The following TMEM117 variants were observed in gnomAD, a reference collection of about 807,000 sequenced individuals.
TMEM117 encodes the protein transmembrane protein 117.
Under a neutral mutation model 52.4 loss-of-function variants are expected in TMEM117, and 27 were observed. That is an observed-to-expected ratio of 0.51 (90% confidence interval 0.38 to 0.71). The LOEUF (loss-of-function observed/expected upper bound fraction) is 0.71. Ranked by LOEUF, TMEM117 falls within the 30% of genes least tolerant of loss-of-function variation. The pLI, the probability that TMEM117 is intolerant of heterozygous loss-of-function variation, is 0.00. For synonymous variants in TMEM117, 215 were observed against 206.3 expected, an observed-to-expected ratio of 1.04 and a Z score of -0.36; for missense variants, 556 against 630.5, an observed-to-expected ratio of 0.88 and a Z score of 1.26.
intron 4 of TMEM117, among the ~76,000 whole-genome samples, chr12:44,197,600 C>A (rs563133697): frequency 6.6e-6 from 1 of 152,122 alleles, no homozygotes; most frequent in African/African-American, 2.4e-5. Flanking sequence ...AATTACAATT[C>A]AATGTGGTGG....
intron 3 of TMEM117, among the ~76,000 whole-genome samples, chr12:44,085,560 A>G (rs913477882): frequency 6.6e-6 from 1 of 152,204 alleles, no homozygotes; most frequent in African/African-American, 2.4e-5. Context: ...GCTCCCCTCT[A>G]CAGGGGTTCA....
chr12:44,090,543 T>C (rs1004433035), intron 3 of TMEM117, among the ~76,000 whole-genome samples: 4 of 151,902 alleles, frequency 2.6e-5, no homozygotes, highest in South Asian at 2.1e-4. Flanking sequence ...CTCAGGCAGT[T>C]CTACTGCCTC....
chr12:44,037,291 C>G (rs1476274334), intron 3 of TMEM117, among the ~76,000 whole-genome samples: 1 of 152,172 alleles, frequency 6.6e-6, no homozygotes, highest in Non-Finnish European at 1.5e-5. Context: ...TTCTTGACGG[C>G]CTGGGAAGCC....
At chr12:44,134,384 T>C (rs1203857206) in intron 3 of TMEM117, among the ~76,000 whole-genome samples, 1 of 152,110 alleles carries the variant, frequency 6.6e-6, no homozygotes, top group Non-Finnish European at 1.5e-5. Context: ...GCCTGGCTAA[T>C]TTTTTGGTTT....
chr12:44,145,915 C>A (rs1363223623), intron 4 of TMEM117, among the ~76,000 whole-genome samples: 2 of 152,226 alleles, frequency 1.3e-5, no homozygotes, highest in African/African-American at 4.8e-5. Flanking sequence ...TCCACTATGG[C>A]AACATTGTTT....
chr12:43,887,096 T>G (rs1731429), intron 2 of TMEM117, among the ~76,000 whole-genome samples: 118,998 of 152,062 alleles, frequency 0.78, 49,049 homozygotes, highest in Non-Finnish European at 0.9. Context: ...TGACCCGCCC[T>G]CCTAGGCCTC....
At chr12:44,352,290 T>A (rs1951574426) in intron 6 of TMEM117, among the ~76,000 whole-genome samples, 1 of 152,040 alleles carries the variant, frequency 6.6e-6, no homozygotes. Flanking sequence ...TTTGTTTTTT[T>A]GTTTTTTTAA....
intron 5 of TMEM117, among the ~76,000 whole-genome samples, chr12:44,218,227 A>T (rs1411555340): frequency 6.6e-6 from 1 of 151,976 alleles, no homozygotes; most frequent in African/African-American, 2.4e-5. Flanking sequence ...CCGTCAAAAA[A>T]AACAAAAAAC....
chr12:43,989,525 G>A (rs1345420589), intron 3 of TMEM117, among the ~76,000 whole-genome samples: 1 of 151,792 alleles, frequency 6.6e-6, no homozygotes, highest in Admixed American at 6.6e-5. Flanking sequence ...TCAAAGAATG[G>A]TTGATATCTG....
intron 5 of TMEM117, among the ~76,000 whole-genome samples, chr12:44,254,873 T>G (rs1950240872): frequency 6.6e-6 from 1 of 152,072 alleles, no homozygotes. Context: ...GTATTCTCAT[T>G]GTTCAATTCC....
intron 3 of TMEM117, among the ~76,000 whole-genome samples, chr12:44,082,029 GA>G (rs1407681990): frequency 6.6e-6 from 1 of 151,652 alleles, no homozygotes; most frequent in Non-Finnish European, 1.5e-5. Context: ...TTATATTTAT[GA>G]AATTATCAGC....
At chr12:44,362,504 C>T (rs1357566681) in intron 6 of TMEM117, among the ~76,000 whole-genome samples, 1 of 151,660 alleles carries the variant, frequency 6.6e-6, no homozygotes, top group Non-Finnish European at 1.5e-5. Context: ...AGTAGGGGGA[C>T]TGACACAAAC....
chr12:43,978,875 C>A (rs1945715237), intron 3 of TMEM117, among the ~76,000 whole-genome samples: 1 of 151,422 alleles, frequency 6.6e-6, no homozygotes, highest in Non-Finnish European at 1.5e-5. Flanking sequence ...GGAAGTATAG[C>A]CTTGGGGCCA....
chr12:44,190,442 C>T (rs954036172), intron 4 of TMEM117, among the ~76,000 whole-genome samples: 4 of 152,100 alleles, frequency 2.6e-5, no homozygotes, highest in Admixed American at 6.6e-5. Context: ...GGGTGAGGCT[C>T]GGCAACTGTG....
chr12:44,244,363 T>C (rs1391420055), intron 5 of TMEM117: 1 of 152,016 alleles, frequency 6.6e-6, no homozygotes, highest in Non-Finnish European at 1.5e-5. Flanking sequence ...TGCATTTCCC[T>C]GATGGTTAGT....
At chr12:44,048,011 T>C (rs975540745) in intron 3 of TMEM117, among the ~76,000 whole-genome samples, 2 of 152,142 alleles carry the variant, frequency 1.3e-5, no homozygotes, top group African/African-American at 2.4e-5. Flanking sequence ...GCCTGAAATA[T>C]TTTGGGAAAA....
intron 4 of TMEM117, among the ~76,000 whole-genome samples, chr12:44,191,904 A>G (rs140335438): frequency 2.1e-3 from 325 of 152,310 alleles, no homozygotes; most frequent in Admixed American, 5.4e-3. Context: ...TAAATGGGAA[A>G]ATATTTAATA....
chr12:44,136,145 G>T (rs1298782062), intron 3 of TMEM117, among the ~76,000 whole-genome samples: 1 of 152,122 alleles, frequency 6.6e-6, no homozygotes, highest in Non-Finnish European at 1.5e-5. Flanking sequence ...AATTAATTAT[G>T]AAATTACTTT....
intron 3 of TMEM117, among the ~76,000 whole-genome samples, chr12:44,022,518 A>C (rs774124946): frequency 1.3e-5 from 2 of 152,198 alleles, no homozygotes; most frequent in Non-Finnish European, 2.9e-5. Context: ...TAATGCATAG[A>C]CATGCATATT....
Sources: gnomAD v4.1 joint callset for allele counts (sites outside exome capture counted in the v4.1 genomes callset) on GRCh38, gnomAD v4.1.1 for gene constraint, MANE v1.5 for transcripts, NCBI Gene and HGNC (gene_info 2026-07-23, HGNC 2026-07-21) for gene names.